Variants in RORA observed in about 807,000 individuals in gnomAD.
The protein encoded by RORA is RAR related orphan receptor A.
In RORA, 7 loss-of-function variants were observed where a neutral mutation model predicts 69.5. That is an observed-to-expected ratio of 0.10 (90% CI 0.06 to 0.19). RORA has a LOEUF of 0.19. Among genes scored for constraint, RORA ranks in the 10% least tolerant of loss-of-function variants. The pLI, the probability that RORA is intolerant of heterozygous loss-of-function variation, is 1.00. For missense variants in RORA, 457 were observed against 663.0 expected (o/e 0.69, Z 3.41); for synonymous variants, 261 against 240.8 (o/e 1.08, Z -0.78).
At chr15:61,205,927 C>T (rs867046903) in intron 1 of RORA, among the ~76,000 whole-genome samples, 6 of 152,096 alleles carry the variant, frequency 3.9e-5, no homozygotes, top group Admixed American at 6.5e-5. Context: ...GAGCCATGGT[C>T]GAGAGCAACC....
chr15:60,775,786 T>A (rs1230558868), intron 1 of RORA, among the ~76,000 whole-genome samples: 1 of 152,222 alleles, frequency 6.6e-6, no homozygotes, highest in Non-Finnish European at 1.5e-5. Flanking sequence ...AAGATGAATA[T>A]GCTTATGGGA....
At chr15:61,117,027 A>T (rs1466479352) in intron 1 of RORA, among the ~76,000 whole-genome samples, 1 of 152,154 alleles carries the variant, frequency 6.6e-6, no homozygotes, top group African/African-American at 2.4e-5. Context: ...ATCAGCTTCA[A>T]AGACAAACAC....
intron 1 of RORA, among the ~76,000 whole-genome samples, chr15:60,996,826 T>C (rs886309884): frequency 2.6e-5 from 4 of 151,522 alleles, no homozygotes; most frequent in Non-Finnish European, 4.4e-5. Context: ...AGGAGAATGG[T>C]GTGAACCCAG....
intron 2 of RORA, chr15:60,627,521 C>T: frequency 2.1e-6 from 3 of 1,461,148 alleles, no homozygotes; most frequent in Non-Finnish European, 2.7e-6. Flanking sequence ...GCTCAGAGGC[C>T]CTGTGAATCT....
intron 1 of RORA, among the ~76,000 whole-genome samples, chr15:60,810,119 T>C (rs1217270101): frequency 6.6e-6 from 1 of 152,198 alleles, no homozygotes; most frequent in Non-Finnish European, 1.5e-5. Flanking sequence ...TCAAGTTTGA[T>C]GGTGCATCTT....
chr15:60,872,918 C>T (rs2073572528), intron 1 of RORA, among the ~76,000 whole-genome samples: 1 of 152,158 alleles, frequency 6.6e-6, no homozygotes, highest in Non-Finnish European at 1.5e-5. Context: ...TCTTCCTCCT[C>T]TCTGGGGTGC....
intron 1 of RORA, among the ~76,000 whole-genome samples, chr15:60,880,859 G>A (rs557017614): frequency 6.6e-6 from 1 of 152,006 alleles, no homozygotes; most frequent in South Asian, 2.1e-4. Context: ...AAAAAAATCC[G>A]CCGATGCATT....
chr15:61,133,446 C>T (rs2079209880), intron 1 of RORA, among the ~76,000 whole-genome samples: 1 of 152,004 alleles, frequency 6.6e-6, no homozygotes, highest in Non-Finnish European at 1.5e-5. Context: ...CAAACGAAAC[C>T]AAAAATGACC....
chr15:60,818,132 T>G (rs1252975446), intron 1 of RORA, among the ~76,000 whole-genome samples: 2 of 152,088 alleles, frequency 1.3e-5, no homozygotes, highest in East Asian at 1.9e-4. Context: ...GAGGGATATT[T>G]GGATGGGGAG....
chr15:61,180,243 T>A (rs1048469419), intron 1 of RORA, among the ~76,000 whole-genome samples: 5 of 150,114 alleles, frequency 3.3e-5, no homozygotes, highest in Non-Finnish European at 7.4e-5. Flanking sequence ...AAAGGGAGGA[T>A]CCAGGTAGGT....
chr15:60,975,395 C>A (rs190931375), intron 1 of RORA, among the ~76,000 whole-genome samples: 25 of 152,288 alleles, frequency 1.6e-4, no homozygotes, highest in Admixed American at 1.5e-3. Context: ...AGGCTGAGTC[C>A]TGTCACTGTC....
intron 1 of RORA, among the ~76,000 whole-genome samples, chr15:61,105,000 C>T (rs568704811): frequency 7.0e-6 from 1 of 143,388 alleles, no homozygotes; most frequent in Non-Finnish European, 1.5e-5. Flanking sequence ...GAGGCGCCCC[C>T]CCCACCGCCC....
chr15:60,577,889 A>G (rs867368851), intron 2 of RORA, among the ~76,000 whole-genome samples: 9 of 152,232 alleles, frequency 5.9e-5, no homozygotes, highest in African/African-American at 2.2e-4. Context: ...TGGCTATTAA[A>G]AGAAGACAAG....
chr15:61,109,887 C>T (rs964181069), intron 1 of RORA, among the ~76,000 whole-genome samples: 1 of 152,172 alleles, frequency 6.6e-6, no homozygotes, highest in Non-Finnish European at 1.5e-5. Context: ...CTAATATGTA[C>T]CTGTGAGTGA....
chr15:61,036,822 T>G (rs952081790), intron 1 of RORA, among the ~76,000 whole-genome samples: 4 of 149,036 alleles, frequency 2.7e-5, no homozygotes, highest in Non-Finnish European at 5.9e-5. Flanking sequence ...ACCCCTGCCC[T>G]TCTCCCAAAA....
chr15:61,059,279 T>A (rs2078137464), intron 1 of RORA, among the ~76,000 whole-genome samples: 1 of 152,094 alleles, frequency 6.6e-6, no homozygotes, highest in East Asian at 1.9e-4. Context: ...TGTAATAGAG[T>A]CAAAACAACC....
chr15:60,735,926 T>G (rs1292148109), intron 1 of RORA, among the ~76,000 whole-genome samples: 1 of 152,218 alleles, frequency 6.6e-6, no homozygotes, highest in African/African-American at 2.4e-5. Context: ...AAGCCCAATT[T>G]AATCCTCCAT....
At position 60,864,867 on chromosome 15, in the gene RORA, G is replaced by A. The variant is rs1400541871; in HGVS notation, c.167-186181C>T. Among the ~76,000 whole-genome samples the A allele has an allele frequency of 6.6e-6, 1 of 152,146 alleles. No homozygotes were observed. The highest frequency in any genetic ancestry group is 1.5e-5 in the Non-Finnish European group (1 of 68,032). On this transcript the variant is annotated intron_variant, in intron 1 of 10. Transcript: ENST00000335670. ...ATTGCAACGGTCTAGTGAAGCTTTA[G>A]GTTCCAAAGTCACAGAGCACCAAGT...
At chr15:60,839,829 C>A (rs1315683106) in intron 1 of RORA, among the ~76,000 whole-genome samples, 2 of 152,174 alleles carry the variant, frequency 1.3e-5, no homozygotes, top group Non-Finnish European at 2.9e-5. Flanking sequence ...TGTATATGTG[C>A]ATATATCATA....
Sources: gnomAD v4.1 joint callset for allele counts (sites outside exome capture counted in the v4.1 genomes callset) on GRCh38, gnomAD v4.1.1 for gene constraint, MANE v1.5 for transcripts, NCBI Gene and HGNC (gene_info 2026-07-23, HGNC 2026-07-21) for gene names.